Variants in SNTG1 observed in about 807,000 individuals in gnomAD.
The protein encoded by SNTG1 is syntrophin gamma 1.
Under a neutral mutation model 74.7 loss-of-function variants are expected in SNTG1, and 39 were observed. The observed-to-expected ratio is 0.52, with a 90% CI of 0.40 to 0.68. The LOEUF (loss-of-function observed/expected upper bound fraction) is 0.68, where lower values mean the gene tolerates loss of function less well. Ranked by LOEUF, SNTG1 falls within the 30% of genes least tolerant of loss-of-function variation. The pLI, the probability that SNTG1 is intolerant of heterozygous loss-of-function variation, is 0.00. For synonymous variants in SNTG1, 254 were observed against 217.1 expected (o/e 1.17, Z -1.49); for missense variants, 685 against 609.5 (o/e 1.12, Z -1.30).
At chr8:50,412,160 G>A (rs77863591) in intron 4 of SNTG1, among the ~76,000 whole-genome samples, 2,815 of 152,114 alleles carry the variant, frequency 0.019, 90 homozygotes, top group African/African-American at 0.063. Context: ...TTATCTTAAC[G>A]TGTTTTGTTA....
chr8:50,199,509 G>T (rs374305146), intron 2 of SNTG1, among the ~76,000 whole-genome samples: 1 of 152,118 alleles, frequency 6.6e-6, no homozygotes, highest in Non-Finnish European at 1.5e-5. Context: ...GAGCCACTGC[G>T]CCTGGCAGGA....
intron 1 of SNTG1, among the ~76,000 whole-genome samples, chr8:50,041,835 A>T (rs141052412): frequency 1.4e-3 from 212 of 152,312 alleles, no homozygotes; most frequent in African/African-American, 4.8e-3. Context: ...AAGGAAAAAT[A>T]TTGGTTACTG....
chr8:50,375,802 T>A (rs1230770778), intron 2 of SNTG1, among the ~76,000 whole-genome samples: 1 of 152,156 alleles, frequency 6.6e-6, no homozygotes, highest in Non-Finnish European at 1.5e-5. Flanking sequence ...GTTTATTACA[T>A]GTATGTTTTA....
intron 2 of SNTG1, among the ~76,000 whole-genome samples, chr8:50,195,598 G>A (rs1187554789): frequency 6.6e-6 from 1 of 152,144 alleles, no homozygotes; most frequent in Non-Finnish European, 1.5e-5. Flanking sequence ...AGGGGATGCG[G>A]CAAGCTCCCA....
chr8:50,634,954 C>T (rs193061771), intron 13 of SNTG1, among the ~76,000 whole-genome samples: 9 of 152,192 alleles, frequency 5.9e-5, no homozygotes, highest in African/African-American at 9.6e-5. Context: ...TATTGACAGC[C>T]GCAGTCTGTA....
At chr8:50,791,585 G>A (rs1051932044) in intron 18 of SNTG1, among the ~76,000 whole-genome samples, 1 of 151,682 alleles carries the variant, frequency 6.6e-6, no homozygotes, top group Non-Finnish European at 1.5e-5. Context: ...ATAAAGTATT[G>A]AATATTTTGT....
chr8:50,088,992 C>T (rs968374692), intron 1 of SNTG1, among the ~76,000 whole-genome samples: 14 of 151,672 alleles, frequency 9.2e-5, no homozygotes, highest in African/African-American at 2.9e-4. Context: ...ATCACACTAC[C>T]TGACTTCAAA....
rs75709616 is a variant in SNTG1, at chr8:50,436,484, A to G, written c.163-2059A>G. Reference sequence around the variant, plus strand: ...GTGCATGTGTGTGTGTAAATACTAAATTTCTACTCTATGCCAGGGTCTTTT... The same window carrying G: ...GTGCATGTGTGTGTGTAAATACTAAGTTTCTACTCTATGCCAGGGTCTTTT... On this transcript the variant is annotated intron_variant, in intron 4 of 18. Coordinates refer to ENST00000642720, the MANE Select transcript of SNTG1 (RefSeq NM_018967.5). Among the ~76,000 whole-genome samples, 704 of 152,106 alleles carry G rather than the reference A, an allele frequency of 4.6e-3. 6 individuals carry two copies. Among genetic ancestry groups the G allele is most frequent in the African/African-American group, 0.016 (680 of 41,516 alleles).
rs556143020 is a variant in SNTG1, at chr8:49,999,979, A to G, written c.-103+87748A>G. Among the ~76,000 whole-genome samples, 21 of 152,278 alleles carry G rather than the reference A, an allele frequency of 1.4e-4. No homozygotes were observed. The South Asian group carries it at 1.9e-3, about 14-fold the overall frequency. On this transcript the variant is annotated intron_variant, in intron 1 of 18. Coordinates refer to ENST00000642720, the MANE Select transcript of SNTG1 (RefSeq NM_018967.5). ...TTCCTGGCTTAATACATATTGTTGA[A>G]TTGAATAATTGTATCTGGTATTGAC...
intron 15 of SNTG1, among the ~76,000 whole-genome samples, chr8:50,701,633 C>T (rs977479365): frequency 1.0e-4 from 15 of 149,958 alleles, no homozygotes; most frequent in African/African-American, 3.5e-4. Context: ...TCCTCTTCCT[C>T]TTCTTCTTCC....
At chr8:50,310,168 C>A (rs76575765) in intron 2 of SNTG1, among the ~76,000 whole-genome samples, 4,247 of 152,220 alleles carry the variant, frequency 0.028, 89 homozygotes, top group Non-Finnish European at 0.044. Flanking sequence ...CCTACTCGAA[C>A]CATGTGGCAT....
At chr8:50,151,432 C>A (rs1443730984) in intron 1 of SNTG1, among the ~76,000 whole-genome samples, 1 of 151,754 alleles carries the variant, frequency 6.6e-6, no homozygotes, top group Non-Finnish European at 1.5e-5. Context: ...TGATCTTAGT[C>A]ATTCCTTGCC....
intron 1 of SNTG1, among the ~76,000 whole-genome samples, chr8:50,069,828 C>T (rs1821210475): frequency 6.6e-6 from 1 of 151,786 alleles, no homozygotes; most frequent in African/African-American, 2.4e-5. Context: ...GCTGGGTTCA[C>T]TAAGGGCTCT....
intron 8 of SNTG1, among the ~76,000 whole-genome samples, chr8:50,479,541 C>T (rs74740579): frequency 0.054 from 8,200 of 152,124 alleles, 334 homozygotes; most frequent in South Asian, 0.18. Context: ...ATTCTTAATG[C>T]CTTTGATGCC....
chr8:49,938,732 AAG>A (rs1201715884), intron 1 of SNTG1, among the ~76,000 whole-genome samples: 1 of 147,796 alleles, frequency 6.8e-6, no homozygotes, highest in Non-Finnish European at 1.5e-5. Flanking sequence ...ACTTCATAAC[AAG>A]AGTTTATTTT....
intron 9 of SNTG1, among the ~76,000 whole-genome samples, chr8:50,526,694 G>A (rs1223697684): frequency 6.6e-6 from 1 of 151,808 alleles, no homozygotes; most frequent in East Asian, 1.9e-4. Flanking sequence ...CCTGTTGCCA[G>A]GCTCATTGCA....
chr8:50,105,883 A>T (rs1243360797), intron 1 of SNTG1, among the ~76,000 whole-genome samples: 1 of 152,076 alleles, frequency 6.6e-6, no homozygotes, highest in Non-Finnish European at 1.5e-5. Flanking sequence ...TTGATTTTGT[A>T]TCCTGAAACT....
intron 15 of SNTG1, among the ~76,000 whole-genome samples, chr8:50,692,412 A>C (rs1401830171): frequency 6.6e-6 from 1 of 151,962 alleles, no homozygotes; most frequent in East Asian, 1.9e-4. Flanking sequence ...TGATGGTGAC[A>C]TACAGATGGG....
intron 13 of SNTG1, 21 bp from the exon 14 acceptor site, chr8:50,656,888 T>C (rs1418172956): frequency 6.6e-6 from 10 of 1,506,750 alleles, no homozygotes; most frequent in South Asian, 1.2e-5. Context: ...TGACAGTTGA[T>C]TGTATTCCAT....
Sources: allele counts gnomAD v4.1 joint callset (sites outside exome capture counted in the v4.1 genomes callset), GRCh38; gene constraint gnomAD v4.1.1; transcripts MANE v1.5; gene names NCBI Gene and HGNC (gene_info 2026-07-23, HGNC 2026-07-21).